The following WDHD1 variants were observed in gnomAD, a reference collection of about 807,000 sequenced individuals.
The protein encoded by WDHD1 is WD repeat and HMG-box DNA-binding protein 1.
In WDHD1, 111 loss-of-function variants were observed where a neutral mutation model predicts 135.4. The ratio of observed to expected loss-of-function variants is 0.82; its 90% CI spans 0.70 to 0.96. The LOEUF (loss-of-function observed/expected upper bound fraction) is 0.96. Among genes scored for constraint, WDHD1 ranks in the 40% least tolerant of loss-of-function variants. The pLI is 0.00. For missense variants in WDHD1, 1,351 were observed against 1,336.3 expected (o/e 1.01, Z -0.17); for synonymous variants, 434 against 439.0 (o/e 0.99, Z 0.14).
rs1281118776 is a variant in WDHD1 at position 55,001,950 on chromosome 14, G to T, written c.693+143C>A. 26 of 624,132 alleles carry T rather than the reference G, an allele frequency of 4.2e-5. No individual in the cohort carries two copies. The Admixed American group carries it at 6.2e-4, about 15-fold the overall frequency. The allele number at this position is 624,132 out of a possible 1,614,324, so 38.7% of individuals were successfully genotyped here. ...CCAGTTATTGATCAAATGAAGAAAG[G>T]ATGAGCTGTTAGAAGATGGACCACA... On this transcript the variant is annotated intron_variant, in intron 8 of 25. Coordinates refer to ENST00000360586, the MANE Select transcript of WDHD1 (RefSeq NM_007086.4).
Position 55,004,935 on chromosome 14 carries a change from G to A in WDHD1, c.600+2345C>T, listed in dbSNP as rs970743745. 7.5e-6 allele frequency: 4 copies of A among 533,536 alleles called. No homozygotes were observed. In the African/African-American group the frequency reaches 7.6e-5, roughly 10 times the overall value. The allele number at this position is 533,536 out of a possible 1,614,324, so 33.1% of individuals were successfully genotyped here. A position where few individuals can be genotyped will look rare whatever the true frequency, so the allele number is the denominator to read the frequency against. On this transcript the variant is annotated intron_variant, in intron 7 of 25. Transcript: ENST00000360586. ...AGGAGGGAACTGCTAAATAGGCACAGAGGGCACCTGCACACCATCAGACCA... is the reference window on the plus strand; with the variant it reads ...AGGAGGGAACTGCTAAATAGGCACAAAGGGCACCTGCACACCATCAGACCA...
chr14:55,001,131 C>G, intron 8 of WDHD1, 139 bp from the exon 9 acceptor site: 1 of 453,640 alleles, frequency 2.2e-6, no homozygotes. Context: ...TTTTTATATC[C>G]CTGTTCTATA....
chr14:55,013,884 G>A (rs1312210920), intron 2 of WDHD1, among the ~76,000 whole-genome samples: 1 of 151,944 alleles, frequency 6.6e-6, no homozygotes, highest in East Asian at 1.9e-4. Flanking sequence ...TCCAGCCTGG[G>A]CAACAGAGCA....
At chr14:54,987,450 A>ATG (rs1288491299) in intron 13 of WDHD1, 63 bp from the exon 14 acceptor site, 2 of 1,378,278 alleles carry the variant, frequency 1.5e-6, no homozygotes, top group Non-Finnish European at 1.9e-6. Context: ...ATATATATAT[A>ATG]TAAGCAATCA....
chr14:55,018,006 C>CA (rs2140230787), intron 2 of WDHD1, among the ~76,000 whole-genome samples: 1 of 152,200 alleles, frequency 6.6e-6, no homozygotes, highest in South Asian at 2.1e-4. Context: ...CCCACCTCAG[C>CA]AGCGCACAAA....
intron 14 of WDHD1, among the ~76,000 whole-genome samples, chr14:54,986,859 A>G (rs1046570679): frequency 1.3e-4 from 20 of 152,138 alleles, no homozygotes; most frequent in African/African-American, 4.1e-4. Flanking sequence ...TTTTTGTGGA[A>G]TTTCAACGCT....
Position 54,963,140 on chromosome 14 carries a change from A to G in WDHD1, c.2343T>C (p.Cys781=), listed in dbSNP as rs757597701. 1.8e-5 allele frequency: 24 copies of G among 1,314,662 alleles called. No individual in the cohort carries two copies. In the East Asian group the frequency reaches 1.1e-3, roughly 58 times the overall value. The allele number at this position is 1,314,662 out of a possible 1,614,324, so 81.4% of individuals were successfully genotyped here. A position where few individuals can be genotyped will look rare whatever the true frequency, so the allele number is the denominator to read the frequency against. Residue 781 remains cysteine (C), a synonymous_variant, in exon 19 of 26, where the codon TGT becomes TGC. Coordinates refer to ENST00000360586, the MANE Select transcript of WDHD1 (RefSeq NM_007086.4). ...LSCKLEREFR[C]VELADLMTQN... ...GAGTCATTAGATCAGCAAGTTCCAC[A>G]CAACGGAATTCTCGCTCCAGTTTAC...
In WDHD1 at chr14:55,010,336, T is replaced by C; in HGVS notation, c.314A>G (p.Asp105Gly). 3 of 1,607,488 alleles carry C rather than the reference T, an allele frequency of 1.9e-6. No individual in the cohort carries two copies. Among genetic ancestry groups the C allele is most frequent in the South Asian group, 2.2e-5 (2 of 89,256 alleles). ...TNANHVVFNG[D>G]GTKIAAGSSD... ...AGATCCAGCAGCAATTTTAGTACCATCCCCATTAAAGACCACATGGTTTGC... is the reference window on the plus strand; with the variant it reads ...AGATCCAGCAGCAATTTTAGTACCACCCCCATTAAAGACCACATGGTTTGC... The change falls in exon 4 of 26, where the codon GAT becomes GGT. Residue 105 changes from aspartate (D) to glycine (G), a missense_variant. Physicochemically the swap from Asp to Gly is moderately conservative, Grantham distance 94. Around this residue, in one of 2 missense-constraint regions of WDHD1, gnomAD observed 1,330 missense variants for 1,296.1 expected, o/e 1.03. Transcript: ENST00000360586.
rs576750362 is a variant in WDHD1 at position 54,955,649 on chromosome 14, T to C, written c.2962A>G (p.Lys988Glu). 11 of 1,590,020 alleles carry C rather than the reference T, an allele frequency of 6.9e-6. No homozygotes were observed. In the South Asian group the frequency reaches 1.1e-4, roughly 17 times the overall value. ...TTTTCTTCTTTCACTTCCTCAGTTT[T>C]ATTAGTTTGAGAATTTCTTTTCTGG... Reference protein sequence around the residue: ...YFQKRNSQTNKTEEVKEENLK... With the variant: ...YFQKRNSQTNETEEVKEENLK... The change falls in exon 24 of 26, where the codon AAA becomes GAA. Residue 988 changes from lysine (K) to glutamate (E), a missense_variant. Lys to Glu is a moderately conservative substitution (Grantham distance 56). Coordinates refer to ENST00000360586, the MANE Select transcript of WDHD1 (RefSeq NM_007086.4).
chr14:54,944,739 C>A (rs1319569517), intron 24 of WDHD1: 1 of 207,250 alleles, frequency 4.8e-6, no homozygotes, highest in Non-Finnish European at 9.5e-6. Context: ...CCTGCCTCAG[C>A]CTCCCAAGTA....
intron 21 of WDHD1, among the ~76,000 whole-genome samples, chr14:54,961,455 A>G (rs1184352046): frequency 6.6e-6 from 1 of 152,100 alleles, no homozygotes; most frequent in Non-Finnish European, 1.5e-5. Context: ...AGCTTTTCAC[A>G]CCACCCTTTT....
At chr14:54,963,861 T>C (rs370631392) in intron 18 of WDHD1, among the ~76,000 whole-genome samples, 232 of 148,526 alleles carry the variant, frequency 1.6e-3, no homozygotes, top group African/African-American at 5.5e-3. Context: ...CCTGTAATCC[T>C]AGCACTTTGG....
intron 14 of WDHD1, among the ~76,000 whole-genome samples, chr14:54,985,247 G>A (rs1014089360): frequency 6.6e-6 from 1 of 152,184 alleles, no homozygotes; most frequent in South Asian, 2.1e-4. Flanking sequence ...TTAAAATAAT[G>A]TGATACAGAA....
chr14:54,947,448 T>C (rs1299735891), intron 24 of WDHD1, among the ~76,000 whole-genome samples: 2 of 152,194 alleles, frequency 1.3e-5, no homozygotes, highest in Non-Finnish European at 2.9e-5. Context: ...ACAGGAAATG[T>C]GAAAACCACA....
intron 16 of WDHD1, among the ~76,000 whole-genome samples, chr14:54,970,242 C>G (rs1469799435): frequency 6.6e-6 from 1 of 152,076 alleles, no homozygotes; most frequent in Non-Finnish European, 1.5e-5. Flanking sequence ...AGTCAAATAT[C>G]TCTCCACTGA....
In WDHD1 at chr14:55,010,511, T is replaced by G. The variant is rs2042151635; in HGVS notation, c.190-51A>C. 4.3e-6 allele frequency: 6 copies of G among 1,408,978 alleles called. No individual in the cohort carries two copies. The South Asian group carries it at 9.9e-5, about 23-fold the overall frequency. The allele number at this position is 1,408,978 out of a possible 1,614,324, so 87.3% of individuals were successfully genotyped here. On this transcript the variant is annotated intron_variant, in intron 3 of 25. Transcript: ENST00000360586. ...CATTAGCAAAACAAATCCAAATGAC[T>G]GGGAGTCTCTCCATAGTTAAAAATC...
chr14:54,961,717 A>T (rs980054545), intron 21 of WDHD1, among the ~76,000 whole-genome samples: 1 of 152,192 alleles, frequency 6.6e-6, no homozygotes, highest in Admixed American at 6.5e-5. Context: ...ATATGTCCAC[A>T]GTTTAAAAAG....
chr14:54,987,995 G>C (rs2041720643), intron 13 of WDHD1, among the ~76,000 whole-genome samples: 1 of 152,142 alleles, frequency 6.6e-6, no homozygotes, highest in Non-Finnish European at 1.5e-5. Flanking sequence ...ACTATAATCA[G>C]CTGAAGAAGG....
chr14:55,000,305 AG>A (rs1311025620), intron 10 of WDHD1, among the ~76,000 whole-genome samples, 197 bp downstream of exon 10: 2 of 152,204 alleles, frequency 1.3e-5, no homozygotes, highest in Non-Finnish European at 2.9e-5. Context: ...GAGAGAAAAA[AG>A]TTTCTTAGTA....
Sources: gnomAD v4.1 joint callset for allele counts (sites outside exome capture counted in the v4.1 genomes callset) on GRCh38, gnomAD v4.1.1 for gene constraint, gnomAD v4.1.1 regional missense constraint, MANE v1.5 for transcripts, NCBI Gene and HGNC (gene_info 2026-07-23, HGNC 2026-07-21) for gene names.